MYOCD: variants seen among roughly 807,000 people sequenced by gnomAD.
The protein encoded by MYOCD is myocardin.
MYOCD carries 32 observed loss-of-function variants against 96.1 expected under a neutral mutation model. The ratio of observed to expected loss-of-function variants is 0.33; its 90% CI spans 0.25 to 0.45. The LOEUF (loss-of-function observed/expected upper bound fraction) is 0.45. Among genes scored for constraint, MYOCD ranks in the 20% least tolerant of loss-of-function variants. The pLI, the probability that MYOCD is intolerant of heterozygous loss-of-function variation, is 1.00. For missense variants in MYOCD, 1,133 were observed against 1,200.6 expected (o/e 0.94, Z 0.83); for synonymous variants, 469 against 469.0 (o/e 1.00, Z 0.00).
chr17:12,762,754 C>T (rs989604248), intron 13 of MYOCD: 6 of 249,514 alleles, frequency 2.4e-5, no homozygotes, highest in Non-Finnish European at 4.6e-5. Flanking sequence ...CCTGGTCCCT[C>T]ATCTTCAGGC....
Position 12,702,496 on chromosome 17 carries a change from C to G in MYOCD, c.56-2632C>G, listed in dbSNP as rs183336361. 2.2e-3 allele frequency among the ~76,000 whole-genome samples: 334 copies of G among 151,910 alleles called. 2 individuals carry two copies. Among genetic ancestry groups the G allele is most frequent in the Non-Finnish European group, 2.8e-3 (189 of 67,842 alleles). ...TGAATATGGCCTTTATAAATTCTTT[C>G]TGATACACTCTGTTTTATTTGAGCA... is the stretch of plus-strand genomic sequence containing the variant. On this transcript the variant is annotated intron_variant, in intron 1 of 13. Transcript: ENST00000425538.
In MYOCD at chr17:12,751,522, C is replaced by G. The variant is rs941225181; in HGVS notation, c.1126-892C>G. Among the ~76,000 whole-genome samples, 3 of 152,074 alleles carry G rather than the reference C, an allele frequency of 2.0e-5. No individual in the cohort carries two copies. In the East Asian group the frequency reaches 5.8e-4, roughly 29 times the overall value. ...CAGTTTATGAACATTATAAAAAATA[C>G]AGGGATAAGATAATTACAAGTGAAT... On this transcript the variant is annotated intron_variant, in intron 9 of 13. Coordinates refer to ENST00000425538, the MANE Select transcript of MYOCD (RefSeq NM_001146312.3).
At chr17:12,701,582 A>G (rs2031076492) in intron 1 of MYOCD, among the ~76,000 whole-genome samples, 1 of 152,062 alleles carries the variant, frequency 6.6e-6, no homozygotes, top group Admixed American at 6.6e-5. Context: ...TCTCCTTACT[A>G]TGAGCATACT....
Position 12,752,659 on chromosome 17 carries a change from G to C in MYOCD, c.1371G>C (p.Pro457=). The C allele has an allele frequency of 6.2e-7, 1 of 1,613,896 alleles. No homozygotes were observed. The highest frequency in any genetic ancestry group is 8.5e-7 in the Non-Finnish European group (1 of 1,179,920). ...YHFGSTSSSP[P]ISPASSDLSV... ...TTGGCAGCACCAGCTCCAGCCCCCC[G>C]ATCTCCCCAGCCTCCTCTGACCTGT... Residue 457 remains proline (P), a synonymous_variant, in exon 10 of 14, where the codon CCG becomes CCC. Coordinates refer to ENST00000425538, the MANE Select transcript of MYOCD (RefSeq NM_001146312.3).
rs150637252 is a variant in MYOCD at position 12,752,758 on chromosome 17, C to T, written c.1470C>T (p.His490=). 18 of 1,613,994 alleles carry T rather than the reference C, an allele frequency of 1.1e-5. No individual in the cohort carries two copies. The highest frequency in any genetic ancestry group is 6.7e-5 in the African/African-American group (5 of 74,912). The change falls in exon 10 of 14, where the codon CAC becomes CAT. Residue 490 remains histidine, a synonymous_variant. Coordinates refer to ENST00000425538, the MANE Select transcript of MYOCD (RefSeq NM_001146312.3). ...PSFGLHPSPV[H]VCTEESLMSS... Reference sequence around the variant, plus strand: ...TCGGCCTGCACCCGTCCCCAGTCCACGTGTGCACGGAGGAAAGTCTCATGA... The same window carrying T: ...TCGGCCTGCACCCGTCCCCAGTCCATGTGTGCACGGAGGAAAGTCTCATGA...
chr17:12,749,334 C>T (rs1273980553), intron 9 of MYOCD, among the ~76,000 whole-genome samples: 3 of 151,948 alleles, frequency 2.0e-5, no homozygotes, highest in East Asian at 1.9e-4. Flanking sequence ...TCAAAACCAG[C>T]ATGGCCAACA....
In MYOCD at chr17:12,753,232, C is replaced by T; in HGVS notation, c.1944C>T (p.His648=). 6.2e-7 allele frequency: 1 copy of T among 1,614,182 alleles called. No homozygotes were observed. Among genetic ancestry groups the T allele is most frequent in the Non-Finnish European group, 8.5e-7 (1 of 1,180,022 alleles). Reference sequence around the variant, plus strand: ...TGGGGGCTGTGAAAAGCCCACAGCACATCAGTTTGCCCCCATCACCCAACA... The same window carrying T: ...TGGGGGCTGTGAAAAGCCCACAGCATATCAGTTTGCCCCCATCACCCAACA... ...SPLGAVKSPQ[H]ISLPPSPNNP... The change falls in exon 10 of 14, where the codon CAC becomes CAT. Residue 648 remains histidine, a synonymous_variant. Coordinates refer to ENST00000425538, the MANE Select transcript of MYOCD (RefSeq NM_001146312.3).
chr17:12,751,640 C>T (rs8068275), intron 9 of MYOCD, among the ~76,000 whole-genome samples: 39,892 of 152,132 alleles, frequency 0.26, 6,118 homozygotes, highest in Middle Eastern at 0.44. Flanking sequence ...TTTTAACCCT[C>T]ACAAAAATGC....
chr17:12,746,004 T>G lies in MYOCD; in HGVS notation c.1057T>G (p.Phe353Val). Residue 353 changes from phenylalanine (F) to valine (V), a missense_variant, in exon 9 of 14, where the codon TTT (phenylalanine) becomes GTT (valine). Phe to Val is a conservative substitution (Grantham distance 50). Coordinates refer to ENST00000425538, the MANE Select transcript of MYOCD (RefSeq NM_001146312.3). ...CCCCTTGTCTCCTGTCAAAAACAGT[T>G]TTTCTGGACAAACTGGTGTCTCTTC... ...NTPLSPVKNSFSGQTGVSSFK... is the reference protein window; with the variant it reads ...NTPLSPVKNSVSGQTGVSSFK... 1 of 1,614,196 alleles carries G rather than the reference T, an allele frequency of 6.2e-7. No individual in the cohort carries two copies. The highest frequency in any genetic ancestry group is 1.1e-5 in the South Asian group (1 of 91,082).
chr17:12,690,116 ATGAC>A (rs1013954817), intron 1 of MYOCD, among the ~76,000 whole-genome samples: 1 of 152,306 alleles, frequency 6.6e-6, no homozygotes, highest in East Asian at 1.9e-4. Flanking sequence ...CACAACATAG[ATGAC>A]TGACTATGTT....
intron 1 of MYOCD, among the ~76,000 whole-genome samples, chr17:12,694,213 G>A (rs2030626609): frequency 6.6e-6 from 1 of 152,188 alleles, no homozygotes; most frequent in South Asian, 2.1e-4. Context: ...GCAGCAAGCT[G>A]AAAGCAGGGA....
In MYOCD at chr17:12,705,190, C is replaced by T. The variant is rs2031239208; in HGVS notation, c.118C>T (p.Pro40Ser). The change falls in exon 2 of 14, where the codon CCA (proline) becomes TCA (serine). Residue 40 changes from proline (P) to serine (S), a missense_variant. Coordinates refer to ENST00000425538, the MANE Select transcript of MYOCD (RefSeq NM_001146312.3). ...QEQLANQGII[P>S]PLKRPAEFHE... ...ACAACTGGCTAACCAAGGCATAATACCACGTGAGTACCTGCATCTCTTAAT... is the reference window on the plus strand; with the variant it reads ...ACAACTGGCTAACCAAGGCATAATATCACGTGAGTACCTGCATCTCTTAAT... 12 of 1,609,284 alleles carry T rather than the reference C, an allele frequency of 7.5e-6. No individual in the cohort carries two copies. The highest frequency in any genetic ancestry group is 1.0e-5 in the Non-Finnish European group (12 of 1,175,782).
At chr17:12,726,668 G>C (rs2032008997) in intron 5 of MYOCD, among the ~76,000 whole-genome samples, 1 of 151,912 alleles carries the variant, frequency 6.6e-6, no homozygotes. Context: ...ATTCATAAAT[G>C]ATGCTGGTCT....
intron 7 of MYOCD, among the ~76,000 whole-genome samples, chr17:12,740,938 A>C (rs1247736081): frequency 2.6e-5 from 4 of 152,122 alleles, no homozygotes; most frequent in Non-Finnish European, 4.4e-5. Flanking sequence ...GGGTTTCTCC[A>C]TGTTGGTCAG....
rs2032337630 is a variant in MYOCD at position 12,736,243 on chromosome 17, G to T, written c.498G>T (p.Gln166His). 3.7e-6 allele frequency: 6 copies of T among 1,614,226 alleles called. No homozygotes were observed. The highest frequency in any genetic ancestry group is 5.1e-6 in the Non-Finnish European group (6 of 1,180,036). ...DSSSDGLSPDQTRSEDPQNSA... is the reference protein window; with the variant it reads ...DSSSDGLSPDHTRSEDPQNSA... Reference sequence around the variant, plus strand: ...GCAGCGATGGGCTTTCTCCGGATCAGACTCGAAGTGAAGACCCCCAAAACT... The same window carrying T: ...GCAGCGATGGGCTTTCTCCGGATCATACTCGAAGTGAAGACCCCCAAAACT... Residue 166 changes from glutamine (Q) to histidine (H), a missense_variant, in exon 6 of 14, where the codon CAG (glutamine) becomes CAT (histidine). Coordinates refer to ENST00000425538, the MANE Select transcript of MYOCD (RefSeq NM_001146312.3).
At chr17:12,736,135 C>A (rs1567591984) in intron 5 of MYOCD, 26 bp from the exon 6 acceptor site, 1 of 1,611,178 alleles carries the variant, frequency 6.2e-7, no homozygotes, top group Non-Finnish European at 8.5e-7. Flanking sequence ...AGCCACTGAC[C>A]AAGTTCCTGG....
Position 12,736,143 on chromosome 17 carries a change from T to A in MYOCD, c.416-18T>A. The stretch of plus-strand genomic sequence containing the variant: ...GCTCCTAAGCCACTGACCAAGTTCC[T>A]GGATTTCACCCCCTCAGGTAACCAG... On this transcript the variant is annotated intron_variant, in intron 5 of 13. Coordinates refer to ENST00000425538, the MANE Select transcript of MYOCD (RefSeq NM_001146312.3). 6.2e-7 allele frequency: 1 copy of A among 1,612,682 alleles called. No homozygotes were observed. Among genetic ancestry groups the A allele is most frequent in the Non-Finnish European group, 8.5e-7 (1 of 1,179,002 alleles).
rs902358952 is a variant in MYOCD, at chr17:12,716,243, G to A, written c.177+669G>A. On this transcript the variant is annotated intron_variant, in intron 3 of 13. Transcript: ENST00000425538. The stretch of plus-strand genomic sequence containing the variant: ...TTGCAGCTTGTCTATGGGTAGAGAG[G>A]AAGAGGAGGGATCTGCAACTCTTCA... 3.0e-4 allele frequency among the ~76,000 whole-genome samples: 45 copies of A among 152,282 alleles called. 1 individual carries two copies. The highest frequency in any genetic ancestry group is 1.1e-3 in the African/African-American group (44 of 41,584).
At chr17:12,726,670 T>A (rs956240666) in intron 5 of MYOCD, among the ~76,000 whole-genome samples, 4 of 151,918 alleles carry the variant, frequency 2.6e-5, no homozygotes, top group African/African-American at 9.6e-5. Flanking sequence ...TCATAAATGA[T>A]GCTGGTCTAT....
Sources: gnomAD v4.1 joint callset for allele counts (sites outside exome capture counted in the v4.1 genomes callset) on GRCh38, gnomAD v4.1.1 for gene constraint, MANE v1.5 for transcripts, NCBI Gene and HGNC (gene_info 2026-07-23, HGNC 2026-07-21) for gene names.